The following FHIP1A variants were observed in gnomAD, a reference collection of about 807,000 sequenced individuals.
The protein encoded by FHIP1A is FHF complex subunit HOOK-interacting protein 1A.
In FHIP1A, 61 loss-of-function variants were observed where a neutral mutation model predicts 88.6. The ratio of observed to expected loss-of-function variants is 0.69; its 90% CI spans 0.56 to 0.85. FHIP1A has a LOEUF of 0.85. Ranked by LOEUF, FHIP1A falls within the 40% of genes least tolerant of loss-of-function variation. The pLI is 0.00. For synonymous variants in FHIP1A, 478 were observed against 496.0 expected, an observed-to-expected ratio of 0.96 and a Z score of 0.48; for missense variants, 1,154 against 1,273.5, an observed-to-expected ratio of 0.91 and a Z score of 1.43.
At chr4:151,421,376 A>C (rs2126521384) in intron 1 of FHIP1A, among the ~76,000 whole-genome samples, 1 of 152,272 alleles carries the variant, frequency 6.6e-6, no homozygotes, top group East Asian at 1.9e-4. Flanking sequence ...TCTAAGCTCA[A>C]AGTATTGCAA....
chr4:151,608,617 C>T (rs539957273), intron 7 of FHIP1A, among the ~76,000 whole-genome samples: 1 of 152,132 alleles, frequency 6.6e-6, no homozygotes, highest in East Asian at 1.9e-4. Context: ...GCCCTTGTGC[C>T]GGCACTTCTG....
intron 1 of FHIP1A, among the ~76,000 whole-genome samples, chr4:151,451,265 TC>T (rs1204028442): frequency 6.6e-6 from 1 of 152,188 alleles, no homozygotes; most frequent in African/African-American, 2.4e-5. Flanking sequence ...TAGATATTTT[TC>T]CCAGGTTACC....
At chr4:151,548,944 G>A (rs1258151399) in intron 3 of FHIP1A, among the ~76,000 whole-genome samples, 2 of 152,212 alleles carry the variant, frequency 1.3e-5, no homozygotes, top group African/African-American at 2.4e-5. Context: ...TGGAACAATG[G>A]TGAGAGCACA....
intron 3 of FHIP1A, among the ~76,000 whole-genome samples, chr4:151,555,437 C>T (rs1732910043): frequency 1.3e-5 from 2 of 151,898 alleles, no homozygotes; most frequent in Admixed American, 1.3e-4. Context: ...CCCACTTACA[C>T]AATAACAAAA....
intron 5 of FHIP1A, among the ~76,000 whole-genome samples, chr4:151,584,932 T>A (rs1346421696): frequency 6.6e-6 from 1 of 152,186 alleles, no homozygotes; most frequent in African/African-American, 2.4e-5. Context: ...TATTTCCTGC[T>A]GCCAACCCTC....
At chr4:151,495,246 T>C (rs1730417782) in intron 3 of FHIP1A, among the ~76,000 whole-genome samples, 1 of 152,138 alleles carries the variant, frequency 6.6e-6, no homozygotes, top group African/African-American at 2.4e-5. Flanking sequence ...CTCACCCCTG[T>C]AATCCCAGAA....
chr4:151,621,216 G>A (rs2126864078), intron 7 of FHIP1A, among the ~76,000 whole-genome samples: 1 of 152,200 alleles, frequency 6.6e-6, no homozygotes, highest in Middle Eastern at 3.4e-3. Flanking sequence ...TGCGTTTCAG[G>A]TGAGGTAAAG....
intron 1 of FHIP1A, among the ~76,000 whole-genome samples, chr4:151,434,688 C>T (rs1733734373): frequency 6.6e-6 from 1 of 152,126 alleles, no homozygotes; most frequent in African/African-American, 2.4e-5. Context: ...TTATTAGTGA[C>T]ATGGGACTAA....
At chr4:151,423,139 G>T (rs1733239470) in intron 1 of FHIP1A, among the ~76,000 whole-genome samples, 2 of 152,106 alleles carry the variant, frequency 1.3e-5, no homozygotes, top group Admixed American at 6.6e-5. Context: ...ACTGCCAGGG[G>T]AGTTGTATAC....
chr4:151,604,401 A>G (rs1157108588), intron 7 of FHIP1A, among the ~76,000 whole-genome samples: 2 of 152,150 alleles, frequency 1.3e-5, no homozygotes, highest in African/African-American at 4.8e-5. Context: ...GGGGCTTTTC[A>G]ATTAATTCAC....
intron 4 of FHIP1A, among the ~76,000 whole-genome samples, chr4:151,567,088 C>T (rs1227064187): frequency 6.6e-6 from 1 of 152,106 alleles, no homozygotes; most frequent in Admixed American, 6.6e-5. Context: ...TGATTATTTA[C>T]TTTGACTTCT....
At chr4:151,437,383 C>G (rs1290198363) in intron 1 of FHIP1A, among the ~76,000 whole-genome samples, 2 of 152,020 alleles carry the variant, frequency 1.3e-5, no homozygotes, top group African/African-American at 4.8e-5. Flanking sequence ...CCAACATAGG[C>G]TATTTTCCTC....
At chr4:151,517,167 T>C (rs1731270965) in intron 3 of FHIP1A, among the ~76,000 whole-genome samples, 2 of 151,970 alleles carry the variant, frequency 1.3e-5, no homozygotes, top group Non-Finnish European at 1.5e-5. Flanking sequence ...ATGGATGAAA[T>C]TGGAAATCAT....
Position 151,496,716 on chromosome 4 carries a change from C to CTTTTTTTTTTTTTTTTTTTTTTT in FHIP1A, c.-123+14085_-123+14086insTTTTTTTTTTTTTTTTTTTTTTT, listed in dbSNP as rs58538673. Among the ~76,000 whole-genome samples the CTTTTTTTTTTTTTTTTTTTTTTT allele has an allele frequency of 1.2e-3, 127 of 102,424 alleles. 2 individuals carry two copies. Among genetic ancestry groups the CTTTTTTTTTTTTTTTTTTTTTTT allele is most frequent in the Middle Eastern group, 5.6e-3 (1 of 178 alleles). The allele number at this position is 102,424 out of a possible 152,430, so 67.2% of individuals were successfully genotyped here. On this transcript the variant is annotated intron_variant, in intron 3 of 13. Transcript: ENST00000435205. Reference sequence around the variant, plus strand: ...CACAGGAGCATACCACCACGTCCAGCTTTTTTTTTTTTTTTTTGTATTTTT... The same window carrying CTTTTTTTTTTTTTTTTTTTTTTT: ...CACAGGAGCATACCACCACGTCCAGCTTTTTTTTTTTTTTTTTTTTTTTTTTTTTTTTTTTTTTTTGTATTTTT...
At chr4:151,421,860 A>G (rs1167670000) in intron 1 of FHIP1A, among the ~76,000 whole-genome samples, 3 of 152,066 alleles carry the variant, frequency 2.0e-5, no homozygotes, top group Admixed American at 2.0e-4. Context: ...TTGGCAGTTC[A>G]TGGTTTGCAA....
chr4:151,510,288 T>C (rs4640653), intron 3 of FHIP1A, among the ~76,000 whole-genome samples: 53,212 of 151,664 alleles, frequency 0.35, 9,934 homozygotes, highest in Non-Finnish European at 0.43. Context: ...TTCAATTTTT[T>C]GTAGAGATGG....
intron 2 of FHIP1A, among the ~76,000 whole-genome samples, chr4:151,475,992 G>T (rs1049170135): frequency 6.6e-6 from 1 of 151,642 alleles, no homozygotes; most frequent in Non-Finnish European, 1.5e-5. Context: ...CTCCTGAGTA[G>T]CCGGGACTAC....
At chr4:151,590,482 C>T (rs180834378) in intron 7 of FHIP1A, among the ~76,000 whole-genome samples, 1 of 152,220 alleles carries the variant, frequency 6.6e-6, no homozygotes, top group Non-Finnish European at 1.5e-5. Context: ...ACTACTTCTT[C>T]ATATCACTTA....
chr4:151,669,596 AT>A lies in FHIP1A; in HGVS notation c.*6844del, dbSNP rs1737787208. Among the ~76,000 whole-genome samples, 1 of 152,188 alleles carries A rather than the reference AT, an allele frequency of 6.6e-6. No individual in the cohort carries two copies. The highest frequency in any genetic ancestry group is 1.5e-5 in the Non-Finnish European group (1 of 68,036). ...CTCAGACCACCTTTGCCCATTTGTAATTCAGACTTGCAGAGTGAGGAGAGAA... is the reference window on the plus strand; with the variant it reads ...CTCAGACCACCTTTGCCCATTTGTAATCAGACTTGCAGAGTGAGGAGAGAA... On this transcript the variant is annotated 3_prime_UTR_variant, in exon 14 of 14. Transcript: ENST00000435205.
Sources: allele counts gnomAD v4.1 joint callset (sites outside exome capture counted in the v4.1 genomes callset), GRCh38; gene constraint gnomAD v4.1.1; transcripts MANE v1.5; gene names NCBI Gene and HGNC (gene_info 2026-07-23, HGNC 2026-07-21).